TXNRD2: variants seen among roughly 807,000 people sequenced by gnomAD.
The protein encoded by TXNRD2 is thioredoxin reductase 2, mitochondrial.
TXNRD2 carries 67 observed loss-of-function variants against 70.8 expected under a neutral mutation model. The ratio of observed to expected loss-of-function variants is 0.95; its 90% CI spans 0.78 to 1.16. TXNRD2 has a LOEUF of 1.16. Ranked by LOEUF, TXNRD2 falls within the 50% of genes most tolerant of loss-of-function variation. The pLI is 0.00. For missense variants in TXNRD2, 644 were observed against 719.9 expected (o/e 0.89, Z 1.21); for synonymous variants, 301 against 295.8 (o/e 1.02, Z -0.18).
At chr22:19,878,030 C>T (rs966154874) in intron 16 of TXNRD2, 60 bp downstream of exon 16, 19 of 1,422,724 alleles carry the variant, frequency 1.3e-5, no homozygotes, top group Admixed American at 1.1e-4. Context: ...GTAGGACTGC[C>T]GGCACTCGAG....
chr22:19,877,441 T>TCCC (rs1398026530), intron 16 of TXNRD2, among the ~76,000 whole-genome samples: 1 of 151,678 alleles, frequency 6.6e-6, no homozygotes, highest in Non-Finnish European at 1.5e-5. Flanking sequence ...CCAGCCCACC[T>TCCC]CCCACCCAGC....
chr22:19,898,904 A>C (rs1415162010), intron 9 of TXNRD2, 145 bp downstream of exon 9: 1 of 1,019,494 alleles, frequency 9.8e-7, no homozygotes, highest in African/African-American at 1.6e-5. Flanking sequence ...GTCCCCAGGC[A>C]CAGTAGATCC....
At chr22:19,899,678 C>T (rs947883862) in intron 8 of TXNRD2, among the ~76,000 whole-genome samples, 3 of 152,278 alleles carry the variant, frequency 2.0e-5, no homozygotes, top group Non-Finnish European at 4.4e-5. Context: ...TATTGTTCAA[C>T]CCCACACTCC....
chr22:19,913,817 G>A, intron 7 of TXNRD2, among the ~76,000 whole-genome samples: 1 of 151,068 alleles, frequency 6.6e-6, no homozygotes, highest in East Asian at 1.9e-4. Flanking sequence ...GAGTGTGGAA[G>A]GCATCCCCTC....
Position 19,915,265 on chromosome 22 carries a change from T to A in TXNRD2, c.540A>T (p.Ser180=). 3 of 1,613,722 alleles carry A rather than the reference T, an allele frequency of 1.9e-6. No homozygotes were observed. The highest frequency in any genetic ancestry group is 2.5e-6 in the Non-Finnish European group (3 of 1,179,886). Residue 180 remains serine, a synonymous_variant, in exon 7 of 18, where the codon TCA becomes TCT. Coordinates refer to ENST00000400521, the MANE Select transcript of TXNRD2 (RefSeq NM_006440.5). ...CAGTAGCAATGATGATGTGATCGGC[T>A]GACAGCAGAATCTGAGGAGAAAAAG... ...VAKGGKEILL[S]ADHIIIATGG...
chr22:19,923,465 C>T (rs1441392511), intron 2 of TXNRD2, among the ~76,000 whole-genome samples: 1 of 152,108 alleles, frequency 6.6e-6, no homozygotes, highest in Non-Finnish European at 1.5e-5. Context: ...GCCTTGAACT[C>T]GGTCACATCA....
intron 8 of TXNRD2, among the ~76,000 whole-genome samples, chr22:19,908,252 C>A (rs1694869576): frequency 6.6e-6 from 1 of 151,978 alleles, no homozygotes; most frequent in Non-Finnish European, 1.5e-5. Flanking sequence ...GGAGGAGAGG[C>A]TCCTTTCTGT....
chr22:19,939,416 A>G (rs371229340), intron 1 of TXNRD2, among the ~76,000 whole-genome samples: 20 of 152,128 alleles, frequency 1.3e-4, no homozygotes, highest in Non-Finnish European at 2.5e-4. Flanking sequence ...TCTCACTTAC[A>G]ATAGGTTTTA....
chr22:19,890,039 A>G (rs372973061), intron 11 of TXNRD2, among the ~76,000 whole-genome samples: 2 of 152,326 alleles, frequency 1.3e-5, no homozygotes, highest in East Asian at 1.9e-4. Context: ...GGCTCTGGAC[A>G]TAAGTGTGAA....
intron 1 of TXNRD2, among the ~76,000 whole-genome samples, chr22:19,940,200 G>A (rs1182440821): frequency 1.6e-5 from 2 of 123,656 alleles, no homozygotes; most frequent in Non-Finnish European, 3.1e-5. Context: ...AGCTGAGATC[G>A]CACCACTGTA....
At chr22:19,891,257 C>T (rs1013622746) in intron 11 of TXNRD2, among the ~76,000 whole-genome samples, 7 of 152,210 alleles carry the variant, frequency 4.6e-5, no homozygotes, top group African/African-American at 1.7e-4. Flanking sequence ...CTGTGGCCAC[C>T]CTCCCTGGCA....
In TXNRD2 at chr22:19,915,230, G is replaced by A. The variant is rs747572047; in HGVS notation, c.575C>T (p.Pro192Leu). 5.0e-6 allele frequency: 8 copies of A among 1,613,774 alleles called. No individual in the cohort carries two copies. The Middle Eastern group carries it at 4.9e-4, about 99-fold the overall frequency. The change falls in exon 7 of 18, where the codon CCG (proline) becomes CTG (leucine). Residue 192 changes from proline (P) to leucine (L), a missense_variant. Transcript: ENST00000400521. ...DHIIIATGGR[P>L]RYPTHIEGAL... ...GACACTCACGTGCGTGGGGTATCTC[G>A]GCCGCCCTCCAGTAGCAATGATGAT...
chr22:19,907,071 A>G (rs1940062845), intron 8 of TXNRD2, among the ~76,000 whole-genome samples: 1 of 94,124 alleles, frequency 1.1e-5, no homozygotes, highest in African/African-American at 4.2e-5. Flanking sequence ...CGTGGATAGC[A>G]GTGACGGCTC....
intron 1 of TXNRD2, among the ~76,000 whole-genome samples, chr22:19,935,658 C>T (rs1380233000): frequency 6.6e-6 from 1 of 152,226 alleles, no homozygotes; most frequent in Non-Finnish European, 1.5e-5. Flanking sequence ...ATGTCACCCC[C>T]AGCAGCCCAG....
rs79661740 is a variant in TXNRD2 at position 19,915,918 on chromosome 22, C to G, written c.450-75G>C. The G allele has an allele frequency of 1.0e-3, 1,403 of 1,383,616 alleles. 17 individuals are homozygous for G. The African/African-American group carries it at 0.018, about 18-fold the overall frequency. The allele number at this position is 1,383,616 out of a possible 1,614,324, so 85.7% of individuals were successfully genotyped here. On this transcript the variant is annotated intron_variant, in intron 5 of 17. Coordinates refer to ENST00000400521, the MANE Select transcript of TXNRD2 (RefSeq NM_006440.5). ...TCACCAACTGGATCAATAGGGAACACTGGTAAAAGGGAGCTCCAGCCCCCA... is the reference window on the plus strand; with the variant it reads ...TCACCAACTGGATCAATAGGGAACAGTGGTAAAAGGGAGCTCCAGCCCCCA...
intron 1 of TXNRD2, chr22:19,932,388 G>A (rs751026499): frequency 6.2e-7 from 1 of 1,612,668 alleles, no homozygotes. Context: ...ACTGCACATA[G>A]TGCCACTCTC....
intron 1 of TXNRD2, among the ~76,000 whole-genome samples, chr22:19,932,160 CAAA>C (rs35254160): frequency 3.5e-4 from 28 of 80,988 alleles, no homozygotes; most frequent in Non-Finnish European, 3.6e-4. Context: ...GACTCCGTCT[CAAA>C]AAAAAAAAAA....
rs7289412 is a variant in TXNRD2, at chr22:19,901,652, C to A, written c.663-2584G>T. Among the ~76,000 whole-genome samples, 524 of 152,212 alleles carry A rather than the reference C, an allele frequency of 3.4e-3. 6 individuals are homozygous for A. Among genetic ancestry groups the A allele is most frequent in the African/African-American group, 0.012 (495 of 41,510 alleles). On this transcript the variant is annotated intron_variant, in intron 8 of 17. Transcript: ENST00000400521. ...AGACCAGCTAAAGTAAAAAAATGCCCGAGCAAAATAAGACAGACACCAAAG... is the reference window on the plus strand; with the variant it reads ...AGACCAGCTAAAGTAAAAAAATGCCAGAGCAAAATAAGACAGACACCAAAG...
chr22:19,915,366 GT>G, intron 6 of TXNRD2, 90 bp from the exon 7 acceptor site: 1 of 1,364,608 alleles, frequency 7.3e-7, no homozygotes, highest in East Asian at 2.4e-5. Flanking sequence ...TTGGCCAGCA[GT>G]TCCCACGGCC....
Sources: allele counts gnomAD v4.1 joint callset (sites outside exome capture counted in the v4.1 genomes callset), GRCh38; gene constraint gnomAD v4.1.1; transcripts MANE v1.5; gene names NCBI Gene and HGNC (gene_info 2026-07-23, HGNC 2026-07-21).